RPH3AL: variants seen among roughly 807,000 people sequenced by gnomAD.
The protein encoded by RPH3AL is rabphilin 3A like (without C2 domains), also known as rab effector Noc2.
RPH3AL carries 38 observed loss-of-function variants against 43.1 expected under a neutral mutation model. The ratio of observed to expected loss-of-function variants is 0.88; its 90% CI spans 0.68 to 1.15. RPH3AL has a LOEUF of 1.15. RPH3AL is among the 50% of genes most tolerant of loss of function. The pLI, the probability that RPH3AL is intolerant of heterozygous loss-of-function variation, is 0.00. For missense variants in RPH3AL, 462 were observed against 423.2 expected (o/e 1.09, Z -0.81); for synonymous variants, 189 against 176.3 (o/e 1.07, Z -0.57).
intron 1 of RPH3AL, among the ~76,000 whole-genome samples, chr17:342,533 A>G (rs2151731182): frequency 6.6e-6 from 1 of 152,388 alleles, no homozygotes; most frequent in Non-Finnish European, 1.5e-5. Flanking sequence ...TATAAAAAGG[A>G]ATGAAGTATC....
chr17:348,741 G>C (rs2045296573), intron 1 of RPH3AL, among the ~76,000 whole-genome samples: 1 of 152,162 alleles, frequency 6.6e-6, no homozygotes, highest in African/African-American at 2.4e-5. Flanking sequence ...TTTGCTAAAG[G>C]AGGAAGGTAC....
intron 6 of RPH3AL, among the ~76,000 whole-genome samples, chr17:280,295 G>C (rs773479386): frequency 3.2e-4 from 48 of 152,116 alleles, no homozygotes; most frequent in Non-Finnish European, 6.0e-4. Flanking sequence ...CTGTTGAGGG[G>C]ATTTTCCACC....
chr17:218,759 A>C (rs2040876980), intron 8 of RPH3AL, among the ~76,000 whole-genome samples: 1 of 152,198 alleles, frequency 6.6e-6, no homozygotes, highest in South Asian at 2.1e-4. Context: ...GGGATCTCCA[A>C]GTCAGAAGGC....
chr17:347,310 C>T (rs1226819480), intron 1 of RPH3AL, among the ~76,000 whole-genome samples: 1 of 152,172 alleles, frequency 6.6e-6, no homozygotes, highest in Non-Finnish European at 1.5e-5. Flanking sequence ...CTGGGCAGCA[C>T]AGTGGGACTC....
intron 1 of RPH3AL, among the ~76,000 whole-genome samples, chr17:341,756 T>C (rs373848462): frequency 6.6e-6 from 1 of 152,194 alleles, no homozygotes; most frequent in Non-Finnish European, 1.5e-5. Context: ...CCGTGCTGTT[T>C]AGGTTCATCT....
rs368558882 is a variant in RPH3AL, at chr17:290,719, G to A, written c.352-8865C>T. On this transcript the variant is annotated intron_variant, in intron 5 of 9. Coordinates refer to ENST00000331302, the MANE Select transcript of RPH3AL (RefSeq NM_006987.4). This position sits in a 1 kb window ranked among gnomAD's most constrained non-coding sequence, Gnocchi z 4.2. Reference sequence around the variant, plus strand: ...ATTTCATGATGAGGAATTCCACCACGCTCCCGCAGATCAGAAGACGGGAAG... The same window carrying A: ...ATTTCATGATGAGGAATTCCACCACACTCCCGCAGATCAGAAGACGGGAAG... 6.6e-6 allele frequency among the ~76,000 whole-genome samples: 1 copy of A among 152,182 alleles called. No individual in the cohort carries two copies.
At chr17:337,168 T>G (rs2044979875) in intron 1 of RPH3AL, among the ~76,000 whole-genome samples, 1 of 151,852 alleles carries the variant, frequency 6.6e-6, no homozygotes, top group Non-Finnish European at 1.5e-5. Flanking sequence ...CAGGCTGGAG[T>G]GCAGTGGCAC....
Position 274,982 on chromosome 17 carries a change from C to T in RPH3AL, c.438+6786G>A, listed in dbSNP as rs950523180. Among the ~76,000 whole-genome samples the T allele has an allele frequency of 1.4e-4, 22 of 152,228 alleles. No homozygotes were observed. Among genetic ancestry groups the T allele is most frequent in the African/African-American group, 5.3e-4 (22 of 41,522 alleles). ...GTGGAGAACAGAATCGAAACTTACA[C>T]CGGAGGGGAAAGAGCAGACGTGGTC... On this transcript the variant is annotated intron_variant, in intron 6 of 9. Transcript: ENST00000331302. This position sits in a 1 kb window ranked among gnomAD's most constrained non-coding sequence, Gnocchi z 4.7.
chr17:349,242 C>T (rs1201273782), intron 1 of RPH3AL: 1 of 152,108 alleles, frequency 6.6e-6, no homozygotes, highest in East Asian at 1.9e-4. Flanking sequence ...GGTAATTGGG[C>T]AGGAGGGAAA....
At chr17:297,630 A>G (rs1280769408) in intron 5 of RPH3AL, among the ~76,000 whole-genome samples, 1 of 152,224 alleles carries the variant, frequency 6.6e-6, no homozygotes, top group African/African-American at 2.4e-5. Flanking sequence ...CTGTAAGAGA[A>G]TAGGAAAAAC....
At chr17:286,963 G>GCACCCTCTCTCTCCACCATCAGACCTCA (rs1567615507) in intron 5 of RPH3AL, among the ~76,000 whole-genome samples, 1 of 53,052 alleles carries the variant, frequency 1.9e-5, no homozygotes, top group Non-Finnish European at 3.7e-5. Context: ...GTCAGACCTC[G>GCACCCTCTCTCTCCACCATCAGACCTCA]CACCCTCTCT....
chr17:275,056 T>C (rs945488586), intron 6 of RPH3AL, among the ~76,000 whole-genome samples: 1 of 152,114 alleles, frequency 6.6e-6, no homozygotes, highest in Non-Finnish European at 1.5e-5. Flanking sequence ...CATAGGAGCA[T>C]GAGCTGGTAT....
At chr17:281,618 C>T in intron 6 of RPH3AL, 150 bp downstream of exon 6, 2 of 639,180 alleles carry the variant, frequency 3.1e-6, no homozygotes, top group Non-Finnish European at 5.6e-6. Context: ...TCTGGAGAAA[C>T]CCCTCCCAGT....
At chr17:252,929 G>T (rs1245968917) in intron 6 of RPH3AL, among the ~76,000 whole-genome samples, 3 of 152,184 alleles carry the variant, frequency 2.0e-5, no homozygotes, top group Admixed American at 2.0e-4. Flanking sequence ...ATTCCACAGA[G>T]CGGGACTGCA....
chr17:281,684 C>T lies in RPH3AL; in HGVS notation c.438+84G>A, dbSNP rs1473899555. ...ATCCAGCCCGCCCAGCCCTCCCCAC[C>T]GTCACCCTGACCGTCCACCCATCCC... On this transcript the variant is annotated intron_variant, in intron 6 of 9. Coordinates refer to ENST00000331302, the MANE Select transcript of RPH3AL (RefSeq NM_006987.4). 182 of 726,692 alleles carry T rather than the reference C, an allele frequency of 2.5e-4. 1 individual carries two copies. The Middle Eastern group carries it at 3.6e-3, about 14-fold the overall frequency. The allele number at this position is 726,692 out of a possible 1,614,324, so 45.0% of individuals were successfully genotyped here. A position where few individuals can be genotyped will look rare whatever the true frequency, so the allele number is the denominator to read the frequency against.
intron 1 of RPH3AL, among the ~76,000 whole-genome samples, chr17:343,847 G>A (rs1293026079): frequency 6.6e-6 from 1 of 152,176 alleles, no homozygotes; most frequent in Non-Finnish European, 1.5e-5. Flanking sequence ...ACCTGATAGA[G>A]GTGGTGTAGG....
chr17:285,889 C>CCG (rs2042895416), intron 5 of RPH3AL, among the ~76,000 whole-genome samples: 2 of 152,192 alleles, frequency 1.3e-5, no homozygotes, highest in Non-Finnish European at 2.9e-5. Context: ...TAGCGCTCAC[C>CCG]TCCCCTGCGA....
intron 2 of RPH3AL, among the ~76,000 whole-genome samples, chr17:329,108 AGT>A (rs530555054): frequency 1.3e-5 from 2 of 152,192 alleles, no homozygotes; most frequent in Non-Finnish European, 2.9e-5. Context: ...ACCCTTTAAA[AGT>A]GTGAATTTTA....
At chr17:327,399 G>A (rs2044643669) in intron 3 of RPH3AL, 68 bp downstream of exon 3, 1 of 1,378,162 alleles carries the variant, frequency 7.3e-7, no homozygotes, top group African/African-American at 1.4e-5. Flanking sequence ...AATGAATCTT[G>A]CTGAAGACAG....
Sources: gnomAD v4.1 joint callset for allele counts (sites outside exome capture counted in the v4.1 genomes callset) on GRCh38, gnomAD v4.1.1 for gene constraint, Gnocchi (gnomAD v3.1) non-coding constraint, MANE v1.5 for transcripts, NCBI Gene and HGNC (gene_info 2026-07-23, HGNC 2026-07-21) for gene names.